The following DYNC2H1 variants were observed in gnomAD, a reference collection of about 807,000 sequenced individuals.
DYNC2H1 encodes the protein dynein cytoplasmic 2 heavy chain 1.
Under a neutral mutation model 570.0 loss-of-function variants are expected in DYNC2H1, and 410 were observed. The observed-to-expected ratio is 0.72, with a 90% confidence interval of 0.66 to 0.78. The LOEUF (loss-of-function observed/expected upper bound fraction) is 0.78. Among genes scored for constraint, DYNC2H1 ranks in the 30% least tolerant of loss-of-function variants. The pLI is 0.00. For synonymous variants in DYNC2H1, 1,688 were observed against 1,677.6 expected, an observed-to-expected ratio of 1.01 and a Z score of -0.15; for missense variants, 4,865 against 5,046.4, an observed-to-expected ratio of 0.96 and a Z score of 1.09.
At chr11:103,452,718 T>A (rs1296493227) in intron 85 of DYNC2H1, among the ~76,000 whole-genome samples, 1 of 152,028 alleles carries the variant, frequency 6.6e-6, no homozygotes, top group Non-Finnish European at 1.5e-5. Flanking sequence ...GGAACTCTTA[T>A]GACATACTAT....
chr11:103,330,504 T>G lies in DYNC2H1; in HGVS notation c.12039+6514T>G, dbSNP rs189996931. On this transcript the variant is annotated intron_variant, in intron 82 of 88. Transcript: ENST00000375735. ...TAGTTTCTACAGCTTTTTGTTTGGT[T>G]AAAACAGACTTTTGTTTCAGAAAAT... 1.7e-3 allele frequency among the ~76,000 whole-genome samples: 145 copies of G among 84,308 alleles called. 1 individual carries two copies. The highest frequency in any genetic ancestry group is 7.7e-3 in the Middle Eastern group (1 of 130). 55.3% of individuals were successfully genotyped at this position (84,308 alleles called of 152,430 possible).
At chr11:103,451,758 C>A (rs1460211335) in intron 85 of DYNC2H1, among the ~76,000 whole-genome samples, 2 of 152,162 alleles carry the variant, frequency 1.3e-5, no homozygotes, top group Non-Finnish European at 2.9e-5. Context: ...GTTATCATTT[C>A]TCCTGCTATT....
Position 103,293,511 on chromosome 11 carries a change from C to T in DYNC2H1, c.11095+5906C>T, listed in dbSNP as rs148129547. On this transcript the variant is annotated intron_variant, in intron 75 of 88. Transcript: ENST00000375735. Reference sequence around the variant, plus strand: ...TATTTCTTTGAACAAACTTTATATCCTGATCTCTTTCTTTACATCTTCTTC... The same window carrying T: ...TATTTCTTTGAACAAACTTTATATCTTGATCTCTTTCTTTACATCTTCTTC... Among the ~76,000 whole-genome samples, 231 of 152,250 alleles carry T rather than the reference C, an allele frequency of 1.5e-3. 1 individual carries two copies. The highest frequency in any genetic ancestry group is 0.014 in the Middle Eastern group (4 of 294).
In DYNC2H1 at chr11:103,199,533, C is replaced by G. The variant is rs917137679; in HGVS notation, c.8088+57C>G. 3.5e-6 allele frequency: 5 copies of G among 1,410,772 alleles called. No homozygotes were observed. In the African/African-American group the frequency reaches 7.2e-5, roughly 20 times the overall value. 87.4% of individuals were successfully genotyped at this position (1,410,772 alleles called of 1,614,324 possible). A position where few individuals can be genotyped will look rare whatever the true frequency, so the allele number is the denominator to read the frequency against. Reference sequence around the variant, plus strand: ...GTTTTAAATTACATTGGTTATTACTCTAAACATCTTTAAAGACCTAAAGGT... The same window carrying G: ...GTTTTAAATTACATTGGTTATTACTGTAAACATCTTTAAAGACCTAAAGGT... On this transcript the variant is annotated intron_variant, in intron 49 of 88. Coordinates refer to ENST00000375735, the MANE Select transcript of DYNC2H1 (RefSeq NM_001377.3). The surrounding 1 kb of genome is among the most constrained non-coding windows in gnomAD (Gnocchi z 4.6).
At chr11:103,197,417 A>G (rs918793130) in intron 47 of DYNC2H1, among the ~76,000 whole-genome samples, 3 of 151,914 alleles carry the variant, frequency 2.0e-5, no homozygotes, top group Non-Finnish European at 4.4e-5. Context: ...GTAGAGTTTG[A>G]TATTGCAATT....
intron 82 of DYNC2H1, among the ~76,000 whole-genome samples, chr11:103,335,536 T>C (rs1421789181): frequency 6.6e-6 from 1 of 152,076 alleles, no homozygotes; most frequent in African/African-American, 2.4e-5. Flanking sequence ...AATTGTTTTT[T>C]TAAATGGGAA....
intron 19 of DYNC2H1, among the ~76,000 whole-genome samples, chr11:103,148,173 A>C (rs1338516694): frequency 6.6e-6 from 1 of 152,196 alleles, no homozygotes; most frequent in African/African-American, 2.4e-5. Flanking sequence ...TATTTTTCAA[A>C]ATACCACAGT....
At chr11:103,187,227 C>CATAT (rs1862106828) in intron 42 of DYNC2H1, 113 bp from the exon 43 acceptor site, 1 of 1,422,176 alleles carries the variant, frequency 7.0e-7, no homozygotes. Context: ...TTCCTATCAT[C>CATAT]ATATACATTT....
rs1171525359 is a variant in DYNC2H1 at position 103,189,581 on chromosome 11, G to A, written c.7293-91G>A. On this transcript the variant is annotated intron_variant, in intron 44 of 88. Coordinates refer to ENST00000375735, the MANE Select transcript of DYNC2H1 (RefSeq NM_001377.3). This position sits in a 1 kb window ranked among gnomAD's most constrained non-coding sequence, Gnocchi z 4.3. Reference sequence around the variant, plus strand: ...GATATGTAGGTCTTAGAGCAGCACAGTTTCAAAACCACTGTTGTAACTTAA... The same window carrying A: ...GATATGTAGGTCTTAGAGCAGCACAATTTCAAAACCACTGTTGTAACTTAA... 1.5e-6 allele frequency: 2 copies of A among 1,355,098 alleles called. No individual in the cohort carries two copies. Among genetic ancestry groups the A allele is most frequent in the Non-Finnish European group, 2.0e-6 (2 of 979,840 alleles). 83.9% of individuals were successfully genotyped at this position (1,355,098 alleles called of 1,614,324 possible).
intron 1 of DYNC2H1, among the ~76,000 whole-genome samples, chr11:103,111,651 G>C (rs1452989102): frequency 6.6e-6 from 1 of 152,124 alleles, no homozygotes; most frequent in Non-Finnish European, 1.5e-5. Context: ...ATTCGTGAAA[G>C]TGTATCTTGG....
chr11:103,148,232 A>G lies in DYNC2H1; in HGVS notation c.2819-258A>G, dbSNP rs551877702. On this transcript the variant is annotated intron_variant, in intron 19 of 88. Transcript: ENST00000375735. The stretch of plus-strand genomic sequence containing the variant: ...GATGTTTTAGTATGTTGTATAAAAG[A>G]CGAAAAATGCAGTAATGCATTTTAA... 2.6e-5 allele frequency among the ~76,000 whole-genome samples: 4 copies of G among 152,322 alleles called. No homozygotes were observed. In the East Asian group the frequency reaches 5.8e-4, roughly 22 times the overall value.
intron 82 of DYNC2H1, among the ~76,000 whole-genome samples, chr11:103,332,814 C>T (rs2135465037): frequency 1.3e-5 from 2 of 152,188 alleles, no homozygotes; most frequent in South Asian, 4.2e-4. Context: ...TCCCCCTGGC[C>T]AACATGGTGA....
chr11:103,242,531 C>T (rs967277910), intron 63 of DYNC2H1, among the ~76,000 whole-genome samples: 9 of 152,110 alleles, frequency 5.9e-5, no homozygotes, highest in African/African-American at 2.2e-4. Context: ...TCTTATAGCA[C>T]ACAATTGCAT....
chr11:103,407,562 A>G (rs769497847), intron 84 of DYNC2H1: 2 of 152,000 alleles, frequency 1.3e-5, no homozygotes, highest in Non-Finnish European at 2.9e-5. Flanking sequence ...AAATGGGGGT[A>G]TGCTGTTGGA....
chr11:103,458,951 C>A (rs909943410), intron 87 of DYNC2H1, among the ~76,000 whole-genome samples: 9 of 151,980 alleles, frequency 5.9e-5, no homozygotes, highest in African/African-American at 2.2e-4. Context: ...AGATTACAGG[C>A]GTGAGCCATT....
intron 60 of DYNC2H1, among the ~76,000 whole-genome samples, chr11:103,233,412 A>G (rs995639894): frequency 3.3e-5 from 5 of 151,938 alleles, no homozygotes; most frequent in Non-Finnish European, 5.9e-5. Flanking sequence ...AATCACACAC[A>G]TATTTTTCAA....
intron 19 of DYNC2H1, 87 bp from the exon 20 acceptor site, chr11:103,148,403 C>A: frequency 7.2e-7 from 1 of 1,380,508 alleles, no homozygotes; most frequent in Non-Finnish European, 9.9e-7. Context: ...CTGATTACTT[C>A]TACCACCCCT....
intron 82 of DYNC2H1, among the ~76,000 whole-genome samples, chr11:103,347,542 G>A (rs1480558030): frequency 6.6e-6 from 1 of 152,086 alleles, no homozygotes; most frequent in Non-Finnish European, 1.5e-5. Flanking sequence ...AATGAAGCAA[G>A]TGCTGGAAAG....
At chr11:103,356,473 A>C (rs2135521819) in intron 82 of DYNC2H1, among the ~76,000 whole-genome samples, 1 of 152,098 alleles carries the variant, frequency 6.6e-6, no homozygotes, top group East Asian at 1.9e-4. Context: ...TCATGCACAA[A>C]AAAATTTGCA....
Sources: gnomAD v4.1 joint callset for allele counts (sites outside exome capture counted in the v4.1 genomes callset) on GRCh38, gnomAD v4.1.1 for gene constraint, Gnocchi (gnomAD v3.1) non-coding constraint, MANE v1.5 for transcripts, NCBI Gene and HGNC (gene_info 2026-07-23, HGNC 2026-07-21) for gene names.